GSTA2: variants seen among roughly 807,000 people sequenced by gnomAD.
GSTA2 encodes the protein glutathione S-transferase alpha 2, also known as glutathione S-transferase A2.
GSTA2 carries 27 observed loss-of-function variants against 22.4 expected under a neutral mutation model. The ratio of observed to expected loss-of-function variants is 1.21; its 90% CI spans 0.89 to 1.67. GSTA2 has a LOEUF of 1.67. Ranked by LOEUF, GSTA2 falls within the 40% of genes most tolerant of loss-of-function variation. The pLI is 0.00. For synonymous variants in GSTA2, 121 were observed against 86.8 expected, an observed-to-expected ratio of 1.39 and a Z score of -2.19; for missense variants, 302 against 260.2, an observed-to-expected ratio of 1.16 and a Z score of -1.11.
intron 2 of GSTA2, 115 bp downstream of exon 2, chr6:52,757,746 C>T (rs1581775372): frequency 1.1e-6 from 1 of 888,930 alleles, no homozygotes; most frequent in Non-Finnish European, 1.8e-6. Flanking sequence ...AATTACAGTC[C>T]CTTTTTATTT....
chr6:52,752,927 G>A lies in GSTA2; in HGVS notation c.341C>T (p.Pro114Leu). 6.2e-7 allele frequency: 1 copy of A among 1,613,962 alleles called. No individual in the cohort carries two copies. Among genetic ancestry groups the A allele is most frequent in the Non-Finnish European group, 8.5e-7 (1 of 1,179,890 alleles). ...EMILLLPFSQ[P>L]EEQDAKLALI... is the part of the protein sequence containing the mutation. ...GGCAAGCTTGGCATCTTGTTCCTCA[G>A]GTTGACTAAAGGGCAGAAGAAGGAT... The change falls in exon 5 of 7, where the codon CCT becomes CTT. Residue 114 changes from proline (P) to leucine (L), a missense_variant. Transcript: ENST00000493422.
chr6:52,757,965 G>A lies in GSTA2; in HGVS notation c.-18C>T. ...TCTGCCATGGTAGCAGTCTCCTGGA[G>A]GTTTCTCTAAGCCTGAGTGAATGAA... On this transcript the variant is annotated 5_prime_UTR_variant, in exon 2 of 7. Coordinates refer to ENST00000493422, the MANE Select transcript of GSTA2 (RefSeq NM_000846.5). The A allele has an allele frequency of 6.3e-7, 1 of 1,581,734 alleles. No homozygotes were observed.
At position 52,750,537 on chromosome 6, in the gene GSTA2, A is replaced by G. The variant is rs765121367; in HGVS notation, c.*40T>C. 5 of 1,605,436 alleles carry G rather than the reference A, an allele frequency of 3.1e-6. No individual in the cohort carries two copies. In the East Asian group the frequency reaches 6.7e-5, roughly 22 times the overall value. On this transcript the variant is annotated 3_prime_UTR_variant, in exon 7 of 7. Transcript: ENST00000493422. ...CACTTAATTGTTGCAAAACTTTAGAATACTGGTCTTGCATGTTCTTGACCT... is the reference window on the plus strand; with the variant it reads ...CACTTAATTGTTGCAAAACTTTAGAGTACTGGTCTTGCATGTTCTTGACCT...
intron 2 of GSTA2, 52 bp from the exon 3 acceptor site, chr6:52,756,361 C>T: frequency 1.4e-6 from 2 of 1,403,106 alleles, no homozygotes; most frequent in Non-Finnish European, 2.0e-6. Flanking sequence ...TATTATAGAC[C>T]TGTGAAATTG....
chr6:52,759,948 C>T (rs1178014964), intron 1 of GSTA2, among the ~76,000 whole-genome samples: 1 of 152,076 alleles, frequency 6.6e-6, no homozygotes, highest in African/African-American at 2.4e-5. Flanking sequence ...TTTTAAATGT[C>T]TACATTTTAA....
chr6:52,754,997 T>A lies in GSTA2; in HGVS notation c.218A>T (p.Asn73Ile). ...GAGGTTGTATTTGCTGGCAATGTAG[T>A]TGAGAATGGCTCTGGTCTGCACCAG... is the stretch of plus-strand genomic sequence containing the variant. ...MKLVQTRAILNYIASKYNLYG... is the reference protein window; with the variant it reads ...MKLVQTRAILIYIASKYNLYG... The change falls in exon 4 of 7, where the codon AAC becomes ATC. Residue 73 changes from asparagine to isoleucine, a missense_variant. Transcript: ENST00000493422. The A allele has an allele frequency of 6.2e-7, 1 of 1,614,160 alleles. No homozygotes were observed. Among genetic ancestry groups the A allele is most frequent in the Non-Finnish European group, 8.5e-7 (1 of 1,180,020 alleles).
chr6:52,750,814 A>G, intron 6 of GSTA2, 115 bp from the exon 7 acceptor site: 1 of 1,328,954 alleles, frequency 7.5e-7, no homozygotes, highest in Non-Finnish European at 1.0e-6. Context: ...AGTCGCTTCC[A>G]CTTGGGTGAA....
intron 3 of GSTA2, among the ~76,000 whole-genome samples, chr6:52,755,736 G>A (rs1762830149): frequency 6.6e-6 from 1 of 151,660 alleles, no homozygotes. Context: ...GATGTTCCCA[G>A]AGTAAGTCTC....
chr6:52,751,691 T>C lies in GSTA2; in HGVS notation c.432A>G (p.Gly144=). 1 of 1,614,152 alleles carries C rather than the reference T, an allele frequency of 6.2e-7. No homozygotes were observed. Among genetic ancestry groups the C allele is most frequent in the Non-Finnish European group, 8.5e-7 (1 of 1,180,010 alleles). The change falls in exon 6 of 7, where the codon GGA becomes GGG. Residue 144 remains glycine (G), a synonymous_variant. Coordinates refer to ENST00000493422, the MANE Select transcript of GSTA2 (RefSeq NM_000846.5). ...GCTTGTTGCCAACAAGGTAGTCTTGTCCGTGGCTCTTTAAGACCTGGAGAA... is the reference window on the plus strand; with the variant it reads ...GCTTGTTGCCAACAAGGTAGTCTTGCCCGTGGCTCTTTAAGACCTGGAGAA... ...PAFEKVLKSH[G]QDYLVGNKLS...
At chr6:52,758,650 C>T (rs1355738012) in intron 1 of GSTA2, among the ~76,000 whole-genome samples, 1 of 152,192 alleles carries the variant, frequency 6.6e-6, no homozygotes, top group Non-Finnish European at 1.5e-5. Context: ...AATTAGGCCT[C>T]AGACTTGTTT....
chr6:52,757,497 T>C (rs899816851), intron 2 of GSTA2, among the ~76,000 whole-genome samples: 2 of 151,990 alleles, frequency 1.3e-5, no homozygotes, highest in African/African-American at 2.4e-5. Flanking sequence ...ACAGCCATAG[T>C]ACATTATCAC....
intron 1 of GSTA2, among the ~76,000 whole-genome samples, chr6:52,758,654 C>T (rs150949669): frequency 2.8e-4 from 43 of 152,296 alleles, no homozygotes; most frequent in African/African-American, 9.6e-4. Context: ...AGGCCTCAGA[C>T]TTGTTTAACT....
At chr6:52,752,786 T>C (rs1581771739) in intron 5 of GSTA2, 68 bp downstream of exon 5, 1 of 1,596,854 alleles carries the variant, frequency 6.3e-7, no homozygotes, top group Non-Finnish European at 8.6e-7. Flanking sequence ...GCCCCAGGAA[T>C]GCCCAGCCAC....
rs138525832 is a variant in GSTA2, at chr6:52,750,958, A to G, written c.547-259T>C. Among the ~76,000 whole-genome samples, 458 of 152,356 alleles carry G rather than the reference A, an allele frequency of 3.0e-3. 3 individuals carry two copies. In the Middle Eastern group the frequency reaches 0.044, roughly 15 times the overall value. On this transcript the variant is annotated intron_variant, in intron 6 of 6. Coordinates refer to ENST00000493422, the MANE Select transcript of GSTA2 (RefSeq NM_000846.5). Reference sequence around the variant, plus strand: ...CTTTCTTCTTACATATTAATCCTATAGATTAGTGACTCTTGTATAAGACAA... The same window carrying G: ...CTTTCTTCTTACATATTAATCCTATGGATTAGTGACTCTTGTATAAGACAA...
intron 2 of GSTA2, among the ~76,000 whole-genome samples, chr6:52,757,139 C>G (rs1762859649): frequency 8.9e-6 from 1 of 112,452 alleles, no homozygotes. Flanking sequence ...TAAATAATTG[C>G]TGTGAATGTA....
intron 5 of GSTA2, 117 bp from the exon 6 acceptor site, chr6:52,751,825 G>T: frequency 7.0e-7 from 1 of 1,437,954 alleles, no homozygotes; most frequent in South Asian, 1.2e-5. Context: ...CTGCATGGAT[G>T]CAGAAATCCC....
intron 1 of GSTA2, among the ~76,000 whole-genome samples, chr6:52,758,308 C>CT (rs1762886227): frequency 2.6e-5 from 4 of 152,212 alleles, no homozygotes; most frequent in African/African-American, 9.6e-5. Context: ...TGAAAACTTC[C>CT]TAGTGATCCT....
At chr6:52,756,027 G>A (rs942389302) in intron 3 of GSTA2, among the ~76,000 whole-genome samples, 3 of 152,070 alleles carry the variant, frequency 2.0e-5, no homozygotes, top group Middle Eastern at 3.2e-3. Context: ...CTTTCTCAGG[G>A]GTGGGAGATT....
intron 1 of GSTA2, among the ~76,000 whole-genome samples, chr6:52,758,647 C>T (rs1762893920): frequency 6.6e-6 from 1 of 152,152 alleles, no homozygotes; most frequent in African/African-American, 2.4e-5. Context: ...AGAAATTAGG[C>T]CTCAGACTTG....
Sources: allele counts gnomAD v4.1 joint callset (sites outside exome capture counted in the v4.1 genomes callset), GRCh38; gene constraint gnomAD v4.1.1; transcripts MANE v1.5; gene names NCBI Gene and HGNC (gene_info 2026-07-23, HGNC 2026-07-21).